CAPN7: variants seen among roughly 807,000 people sequenced by gnomAD.
CAPN7 encodes calpain-7.
CAPN7 carries 72 observed loss-of-function variants against 115.2 expected under a neutral mutation model. That is an observed-to-expected ratio of 0.63 (90% CI 0.52 to 0.76). The LOEUF is 0.76. CAPN7 is among the 30% of genes least tolerant of loss of function. CAPN7 has a pLI of 0.00. For missense variants in CAPN7, 905 were observed against 971.5 expected (o/e 0.93, Z 0.91); for synonymous variants, 344 against 322.3 (o/e 1.07, Z -0.72).
intron 12 of CAPN7, among the ~76,000 whole-genome samples, chr3:15,239,397 G>A (rs1012548063): frequency 6.6e-6 from 1 of 152,098 alleles, no homozygotes; most frequent in South Asian, 2.1e-4. Context: ...TTATTTTCCC[G>A]AATCAATGTA....
At chr3:15,231,922 C>CT (rs2124960256) in intron 9 of CAPN7, among the ~76,000 whole-genome samples, 1 of 152,272 alleles carries the variant, frequency 6.6e-6, no homozygotes, top group East Asian at 1.9e-4. Flanking sequence ...ACTCTTACAA[C>CT]TATACATGAG....
At chr3:15,238,940 C>G (rs532615749) in intron 12 of CAPN7, among the ~76,000 whole-genome samples, 2 of 140,956 alleles carry the variant, frequency 1.4e-5, no homozygotes, top group South Asian at 4.5e-4. Flanking sequence ...ACATCCATAT[C>G]TTGGTGTCCT....
chr3:15,247,558 G>A, intron 19 of CAPN7, 101 bp downstream of exon 19: 3 of 876,024 alleles, frequency 3.4e-6, no homozygotes, highest in Middle Eastern at 2.4e-4. Flanking sequence ...TATGGACATT[G>A]GATTTATAAC....
In CAPN7 at chr3:15,220,933, G is replaced by A. The variant is rs1559391555; in HGVS notation, c.590G>A (p.Cys197Tyr). 1.2e-6 allele frequency: 2 copies of A among 1,614,028 alleles called. No homozygotes were observed. Among genetic ancestry groups the A allele is most frequent in the Admixed American group, 1.7e-5 (1 of 59,996 alleles). The change falls in exon 5 of 21, where the codon TGT (cysteine) becomes TAT (tyrosine). Residue 197 changes from cysteine to tyrosine, a missense_variant. Physicochemically the swap from Cys to Tyr is radical, Grantham distance 194 (BLOSUM62 -2). Around this residue, in one of 3 missense-constraint regions of CAPN7, gnomAD observed 271 missense variants for 239.6 expected, o/e 1.13. Transcript: ENST00000253693. ...RPQSFISPQS[C>Y]DAQGQRYTAE... is the part of the protein sequence containing the mutation. ...CAGTCATTTATAAGTCCTCAGTCAT[G>A]TGATGCACAAGGACAGAGATACACA...
chr3:15,220,503 G>A (rs576552909), intron 4 of CAPN7, among the ~76,000 whole-genome samples: 1 of 152,322 alleles, frequency 6.6e-6, no homozygotes, highest in Admixed American at 6.5e-5. Context: ...CTTAAGGGTA[G>A]GGATTGTTTT....
chr3:15,245,477 TAAAG>T (rs769349506), intron 16 of CAPN7, 45 bp from the exon 17 acceptor site: 485 of 1,559,950 alleles, frequency 3.1e-4, no homozygotes, highest in Non-Finnish European at 3.9e-4. Flanking sequence ...ACCATAAAAT[TAAAG>T]AAAGAAAAGT....
intron 3 of CAPN7, among the ~76,000 whole-genome samples, chr3:15,218,095 C>G (rs887260136): frequency 2.0e-5 from 3 of 152,136 alleles, no homozygotes; most frequent in Admixed American, 6.5e-5. Context: ...ACTGGTATCC[C>G]CATGTCTTTC....
intron 8 of CAPN7, 68 bp downstream of exon 8, chr3:15,229,127 C>T (rs1195156012): frequency 5.3e-6 from 6 of 1,135,246 alleles, no homozygotes; most frequent in Non-Finnish European, 8.0e-6. Context: ...AAAACTTAAG[C>T]CTTATCTGTA....
In CAPN7 at chr3:15,235,123, T is replaced by G; in HGVS notation, c.1385T>G (p.Val462Gly). 4 of 1,611,164 alleles carry G rather than the reference T, an allele frequency of 2.5e-6. No homozygotes were observed. Among genetic ancestry groups the G allele is most frequent in the Non-Finnish European group, 3.4e-6 (4 of 1,179,054 alleles). ...CTGGTTCCCACACACGCATATGCTG[T>G]TTTGGATATTAGAGAGTTCAAGGTT... The part of the protein sequence containing the change: ...WGLVPTHAYA[V>G]LDIREFKGLR... Residue 462 changes from valine to glycine, a missense_variant, in exon 12 of 21, where the codon GTT (valine) becomes GGT (glycine). This residue lies in a region of CAPN7 where 620 missense variants were observed against 703.4 expected (regional missense o/e 0.88). Transcript: ENST00000253693.
Position 15,228,010 on chromosome 3 carries a change from A to G in CAPN7, c.852+45A>G, listed in dbSNP as rs746767594. 3.0e-6 allele frequency: 4 copies of G among 1,352,886 alleles called. No individual in the cohort carries two copies. The South Asian group carries it at 6.4e-5, about 22-fold the overall frequency. 83.8% of individuals were successfully genotyped at this position (1,352,886 alleles called of 1,614,324 possible). ...GATTTTATAGAAAAGTCAGCATTTT[A>G]AAGTAATTTGTGTATAGATTTGAGT... On this transcript the variant is annotated intron_variant, in intron 7 of 20. Transcript: ENST00000253693.
intron 8 of CAPN7, among the ~76,000 whole-genome samples, chr3:15,230,113 G>A (rs944252500): frequency 3.3e-5 from 5 of 152,078 alleles, no homozygotes; most frequent in Non-Finnish European, 2.9e-5. Context: ...TTACTTCTTA[G>A]GGCCAGTGGT....
Position 15,217,585 on chromosome 3 carries a change from G to T in CAPN7, c.369+3G>T, listed in dbSNP as rs190402360. On this transcript the variant is annotated splice_donor_region_variant and intron_variant, in intron 3 of 20. Coordinates refer to ENST00000253693, the MANE Select transcript of CAPN7 (RefSeq NM_014296.3). ...CTGTGGATCTCTGTCTGAAAACAGTGTGTATAGCTACAAATTACGTTTGAT... is the reference window on the plus strand; with the variant it reads ...CTGTGGATCTCTGTCTGAAAACAGTTTGTATAGCTACAAATTACGTTTGAT... 1 of 1,607,434 alleles carries T rather than the reference G, an allele frequency of 6.2e-7. No individual in the cohort carries two copies. The highest frequency in any genetic ancestry group is 1.1e-5 in the South Asian group (1 of 89,606).
chr3:15,249,863 C>T (rs755726551), intron 19 of CAPN7, among the ~76,000 whole-genome samples: 73 of 151,522 alleles, frequency 4.8e-4, no homozygotes, highest in Admixed American at 6.6e-4. Context: ...CTCCTGGGTT[C>T]AAGCGATTCT....
chr3:15,216,065 G>A (rs1419064396), intron 2 of CAPN7, among the ~76,000 whole-genome samples: 2 of 151,282 alleles, frequency 1.3e-5, no homozygotes, highest in Non-Finnish European at 2.9e-5. Flanking sequence ...TCCAACTTGG[G>A]TGACAGGGTG....
chr3:15,229,560 TC>T, intron 8 of CAPN7, among the ~76,000 whole-genome samples: 10 of 115,614 alleles, frequency 8.6e-5, no homozygotes, highest in African/African-American at 3.7e-4. Flanking sequence ...TTACTTTTTT[TC>T]TTTTTTTTTT....
intron 9 of CAPN7, among the ~76,000 whole-genome samples, chr3:15,231,831 G>T (rs115738392): frequency 6.6e-6 from 1 of 151,996 alleles, no homozygotes; most frequent in African/African-American, 2.4e-5. Flanking sequence ...CCCAGCCTCA[G>T]ATCACTTTTT....
chr3:15,212,090 T>C lies in CAPN7; in HGVS notation c.103-14T>C, dbSNP rs1305751076. The C allele has an allele frequency of 6.5e-7, 1 of 1,550,354 alleles. No homozygotes were observed. The highest frequency in any genetic ancestry group is 8.8e-7 in the Non-Finnish European group (1 of 1,136,884). Reference sequence around the variant, plus strand: ...ATACATCTATTGGATTCCTTTGAATTCTTTCATTTTTAGGAAGCTGCACAA... The same window carrying C: ...ATACATCTATTGGATTCCTTTGAATCCTTTCATTTTTAGGAAGCTGCACAA... On this transcript the variant is annotated splice_polypyrimidine_tract_variant and intron_variant, in intron 1 of 20. Transcript: ENST00000253693.
chr3:15,209,846 G>A (rs1174302930), intron 1 of CAPN7, among the ~76,000 whole-genome samples: 2 of 152,146 alleles, frequency 1.3e-5, no homozygotes, highest in Non-Finnish European at 2.9e-5. Flanking sequence ...GCCAAAAAAA[G>A]TGGTTGTACT....
At chr3:15,209,801 A>G (rs1575150023) in intron 1 of CAPN7, among the ~76,000 whole-genome samples, 1 of 152,228 alleles carries the variant, frequency 6.6e-6, no homozygotes, top group African/African-American at 2.4e-5. Flanking sequence ...ATAGACTTAC[A>G]TACATGTCAG....
Sources: gnomAD v4.1 joint callset for allele counts (sites outside exome capture counted in the v4.1 genomes callset) on GRCh38, gnomAD v4.1.1 for gene constraint, gnomAD v4.1.1 regional missense constraint, MANE v1.5 for transcripts, NCBI Gene and HGNC (gene_info 2026-07-23, HGNC 2026-07-21) for gene names.